LARGE1: variants seen among roughly 807,000 people sequenced by gnomAD.
The protein encoded by LARGE1 is xylosyl- and glucuronyltransferase LARGE1.
Under a neutral mutation model 87.6 loss-of-function variants are expected in LARGE1, and 43 were observed. The ratio of observed to expected loss-of-function variants is 0.49; its 90% CI spans 0.38 to 0.63. The LOEUF is 0.63. Among genes scored for constraint, LARGE1 ranks in the 30% least tolerant of loss-of-function variants. LARGE1 has a pLI of 0.00. For missense variants in LARGE1, 802 were observed against 1,000.2 expected (o/e 0.80, Z 2.67); for synonymous variants, 434 against 394.6 (o/e 1.10, Z -1.18).
intron 2 of LARGE1, chr22:33,750,976 T>C (rs1234907602): frequency 6.6e-6 from 1 of 152,214 alleles, no homozygotes; most frequent in African/African-American, 2.4e-5. Context: ...AACAATGACA[T>C]AGATTCACAT....
At chr22:33,508,559 A>C (rs988862680) in intron 6 of LARGE1, among the ~76,000 whole-genome samples, 1 of 152,214 alleles carries the variant, frequency 6.6e-6, no homozygotes, top group Non-Finnish European at 1.5e-5. Flanking sequence ...CCAAATGCAG[A>C]GAACTGTCAT....
intron 5 of LARGE1, among the ~76,000 whole-genome samples, chr22:33,584,316 G>A (rs1202715692): frequency 6.6e-6 from 1 of 152,132 alleles, no homozygotes; most frequent in Non-Finnish European, 1.5e-5. Context: ...TCTCGACAAT[G>A]ATGTACCTAG....
intron 11 of LARGE1, among the ~76,000 whole-genome samples, chr22:33,243,094 T>A (rs1926595260): frequency 6.6e-6 from 1 of 152,190 alleles, no homozygotes; most frequent in Admixed American, 6.5e-5. Flanking sequence ...TTACAAATAG[T>A]CACATTCTGA....
intron 2 of LARGE1, among the ~76,000 whole-genome samples, chr22:33,658,140 C>T (rs1159777856): frequency 6.6e-6 from 1 of 152,080 alleles, no homozygotes; most frequent in Non-Finnish European, 1.5e-5. Context: ...CTGCTTCATT[C>T]CCTGGTCCCT....
intron 7 of LARGE1, among the ~76,000 whole-genome samples, chr22:33,414,471 G>A (rs1222606213): frequency 6.6e-6 from 1 of 152,148 alleles, no homozygotes; most frequent in Non-Finnish European, 1.5e-5. Context: ...CAGATACAAT[G>A]AGAAATGGCT....
At chr22:33,283,966 G>A (rs1302048059) in intron 12 of LARGE1, among the ~76,000 whole-genome samples, 1 of 151,990 alleles carries the variant, frequency 6.6e-6, no homozygotes, top group African/African-American at 2.4e-5. Context: ...AGAAAGATGG[G>A]GAGCCCTGGG....
chr22:33,139,852 T>C, the LARGE1 span, among the ~76,000 whole-genome samples: 1 of 152,216 alleles, frequency 6.6e-6, no homozygotes, highest in East Asian at 1.9e-4. Context: ...TGACCTTTGT[T>C]TGTGGTCATT....
At chr22:33,876,767 C>A (rs2064480806) in intron 1 of LARGE1, among the ~76,000 whole-genome samples, 5 of 151,632 alleles carry the variant, frequency 3.3e-5, no homozygotes, top group African/African-American at 1.2e-4. Context: ...ACATGTGTAT[C>A]TATGTAACAA....
At chr22:33,720,462 T>C (rs1168518196) in intron 2 of LARGE1, among the ~76,000 whole-genome samples, 8 of 152,196 alleles carry the variant, frequency 5.3e-5, no homozygotes, top group African/African-American at 1.9e-4. Flanking sequence ...CCCTGGGCTA[T>C]ACTATATAGG....
chr22:33,261,386 G>T (rs371986668), intron 11 of LARGE1, among the ~76,000 whole-genome samples: 19 of 152,286 alleles, frequency 1.2e-4, no homozygotes, highest in South Asian at 1.2e-3. Flanking sequence ...CCCTGTCTCA[G>T]GCTCCCCTCT....
At chr22:33,253,309 GT>G (rs1043720032) in intron 11 of LARGE1, among the ~76,000 whole-genome samples, 3 of 152,170 alleles carry the variant, frequency 2.0e-5, no homozygotes, top group Non-Finnish European at 2.9e-5. Context: ...TATTACCCTT[GT>G]TTTTCCCCCA....
chr22:33,837,733 C>T lies in LARGE1; in HGVS notation c.-82-76175G>A, dbSNP rs1443725481. On this transcript the variant is annotated intron_variant, in intron 1 of 14. Coordinates refer to ENST00000397394, the MANE Select transcript of LARGE1 (RefSeq NM_133642.5). ...GGCTGAAGCCTATGGCCAGAGCCGGCTCTCAATGAGAACTTCAAGAGGCTC... is the reference window on the plus strand; with the variant it reads ...GGCTGAAGCCTATGGCCAGAGCCGGTTCTCAATGAGAACTTCAAGAGGCTC... Among the ~76,000 whole-genome samples the T allele has an allele frequency of 2.0e-5, 3 of 152,242 alleles. No individual in the cohort carries two copies. In the East Asian group the frequency reaches 5.8e-4, roughly 29 times the overall value.
In LARGE1 at chr22:33,865,832, C is replaced by CTTTTTTTTTTTTTTTTTTTTTTTT. The variant is rs3072359; in HGVS notation, c.-83+54139_-83+54162dup. Among the ~76,000 whole-genome samples the CTTTTTTTTTTTTTTTTTTTTTTTT allele has an allele frequency of 1.8e-4, 5 of 28,394 alleles. 2 individuals carry two copies. Among genetic ancestry groups the CTTTTTTTTTTTTTTTTTTTTTTTT allele is most frequent in the African/African-American group, 5.3e-4 (5 of 9,350 alleles). 18.6% of individuals were successfully genotyped at this position (28,394 alleles called of 152,430 possible). ...TAAGCATTCAATGTTAGCTGTTATT[C>CTTTTTTTTTTTTTTTTTTTTTTTT]TTTTTTTTTTTTTTTTTTTTTTTTT... On this transcript the variant is annotated intron_variant, in intron 1 of 14. Coordinates refer to ENST00000397394, the MANE Select transcript of LARGE1 (RefSeq NM_133642.5).
intron 2 of LARGE1, among the ~76,000 whole-genome samples, chr22:33,742,796 T>C (rs1233760794): frequency 1.3e-5 from 2 of 152,190 alleles, no homozygotes; most frequent in African/African-American, 4.8e-5. Flanking sequence ...TTTTTTAATT[T>C]TCCTAGTAAA....
chr22:33,852,297 T>A lies in LARGE1; in HGVS notation c.-83+67698A>T, dbSNP rs534433854. ...CTCTGAGCTGAGAAACTGAAACCGATGCTCCCAGATGAAGTTTTTTTTTTC... is the reference window on the plus strand; with the variant it reads ...CTCTGAGCTGAGAAACTGAAACCGAAGCTCCCAGATGAAGTTTTTTTTTTC... On this transcript the variant is annotated intron_variant, in intron 1 of 14. Coordinates refer to ENST00000397394, the MANE Select transcript of LARGE1 (RefSeq NM_133642.5). 5.9e-5 allele frequency among the ~76,000 whole-genome samples: 9 copies of A among 152,150 alleles called. No homozygotes were observed. The East Asian group carries it at 1.7e-3, about 29-fold the overall frequency.
intron 6 of LARGE1, among the ~76,000 whole-genome samples, chr22:33,484,817 A>G (rs1230888947): frequency 2.7e-5 from 4 of 149,630 alleles, no homozygotes. Context: ...ATTCTTCCTT[A>G]TTGTCATTTT....
intron 1 of LARGE1, among the ~76,000 whole-genome samples, chr22:33,896,743 G>C (rs2065155656): frequency 6.6e-6 from 1 of 152,012 alleles, no homozygotes; most frequent in South Asian, 2.1e-4. Flanking sequence ...CTTGACTTTT[G>C]CTGCTGCTCC....
intron 1 of LARGE1, among the ~76,000 whole-genome samples, chr22:33,873,963 G>C (rs130840): frequency 1 from 151,455 of 151,466 alleles, 75,722 homozygotes; most frequent in Middle Eastern, 1. Flanking sequence ...ACCCCACCCG[G>C]CTGTATTCTC....
intron 1 of LARGE1, among the ~76,000 whole-genome samples, chr22:33,904,623 G>A (rs758007294): frequency 1.6e-4 from 24 of 152,248 alleles, no homozygotes; most frequent in East Asian, 3.9e-4. Flanking sequence ...CAGTAGAGTC[G>A]GTGACGCTGT....
Sources: allele counts gnomAD v4.1 joint callset (sites outside exome capture counted in the v4.1 genomes callset), GRCh38; gene constraint gnomAD v4.1.1; transcripts MANE v1.5; gene names NCBI Gene and HGNC (gene_info 2026-07-23, HGNC 2026-07-21).